The following PHACTR1 variants were observed in gnomAD, a reference collection of about 807,000 sequenced individuals.
PHACTR1 encodes phosphatase and actin regulator 1, also known as RPEL repeat containing 1.
PHACTR1 carries 16 observed loss-of-function variants against 69.2 expected under a neutral mutation model. The ratio of observed to expected loss-of-function variants is 0.23; its 90% CI spans 0.16 to 0.35. The LOEUF (loss-of-function observed/expected upper bound fraction) is 0.35. PHACTR1 is among the 10% of genes least tolerant of loss of function. The pLI is 1.00. For missense variants in PHACTR1, 510 were observed against 734.7 expected, an observed-to-expected ratio of 0.69 and a Z score of 3.54; for synonymous variants, 312 against 284.5, an observed-to-expected ratio of 1.10 and a Z score of -0.97.
intron 3 of PHACTR1, among the ~76,000 whole-genome samples, chr6:12,744,369 C>T (rs1207854659): frequency 6.6e-6 from 1 of 151,976 alleles, no homozygotes; most frequent in Non-Finnish European, 1.5e-5. Context: ...CAAATAGTTT[C>T]CAAATTTTGG....
intron 4 of PHACTR1, among the ~76,000 whole-genome samples, chr6:12,778,833 G>C (rs1770431266): frequency 6.6e-6 from 1 of 152,104 alleles, no homozygotes; most frequent in Non-Finnish European, 1.5e-5. Flanking sequence ...TTTCTGTATA[G>C]TATATTACAC....
chr6:12,993,603 G>C (rs763918917), intron 4 of PHACTR1, among the ~76,000 whole-genome samples: 4 of 152,180 alleles, frequency 2.6e-5, no homozygotes, highest in Non-Finnish European at 5.9e-5. Context: ...CCTGCCCATA[G>C]ATAAATCTGG....
chr6:12,854,910 A>C (rs559765448), intron 4 of PHACTR1, among the ~76,000 whole-genome samples: 1 of 152,234 alleles, frequency 6.6e-6, no homozygotes, highest in Non-Finnish European at 1.5e-5. Context: ...AAGGTTGTAG[A>C]GAAAAGGGAA....
At chr6:13,251,482 G>A (rs1774393433) in intron 10 of PHACTR1, among the ~76,000 whole-genome samples, 2 of 152,318 alleles carry the variant, frequency 1.3e-5, no homozygotes, top group South Asian at 4.1e-4. Context: ...TGCTGGGGGC[G>A]CTGTGGTCTC....
At chr6:13,140,424 T>C (rs1822260789) in intron 5 of PHACTR1, among the ~76,000 whole-genome samples, 1 of 152,182 alleles carries the variant, frequency 6.6e-6, no homozygotes, top group Admixed American at 6.6e-5. Flanking sequence ...AAAAGTGGCC[T>C]ATATATACAA....
chr6:13,053,399 T>C lies in PHACTR1; in HGVS notation c.285T>C (p.Ser95=), dbSNP rs757915139. ...EEVERLAAMR[S]DSLVPGTHTP... The stretch of plus-strand genomic sequence containing the variant: ...TGGAGAGGCTGGCGGCGATGCGTTC[T>C]GACTCCCTCGTCCCAGGCACCCACA... The change falls in exon 5 of 15, where the codon TCT becomes TCC. Residue 95 remains serine (S), a synonymous_variant. Transcript: ENST00000332995. The C allele has an allele frequency of 1.7e-5, 27 of 1,613,060 alleles. No individual in the cohort carries two copies. The Middle Eastern group carries it at 8.2e-4, about 49-fold the overall frequency.
chr6:13,160,299 T>C lies in PHACTR1; in HGVS notation c.496+15T>C. ...CTATGATAAAGGTAAGGAGGATTGG[T>C]CTGTCATCCCCGGGTCAAAGAGTCA... On this transcript the variant is annotated intron_variant, in intron 6 of 14. Coordinates refer to ENST00000332995, the MANE Select transcript of PHACTR1 (RefSeq NM_030948.6). 1 of 1,608,178 alleles carries C rather than the reference T, an allele frequency of 6.2e-7. No homozygotes were observed. Among genetic ancestry groups the C allele is most frequent in the Non-Finnish European group, 8.5e-7 (1 of 1,174,784 alleles).
chr6:12,889,373 A>G (rs1783945226), intron 4 of PHACTR1, among the ~76,000 whole-genome samples: 1 of 152,244 alleles, frequency 6.6e-6, no homozygotes. Flanking sequence ...ATGAGCCTCT[A>G]TCTCTGCCTG....
intron 3 of PHACTR1, among the ~76,000 whole-genome samples, chr6:12,734,969 C>A (rs148825966): frequency 6.6e-6 from 1 of 152,136 alleles, no homozygotes; most frequent in African/African-American, 2.4e-5. Flanking sequence ...TCTATTGCTG[C>A]GTATCAAATT....
intron 4 of PHACTR1, among the ~76,000 whole-genome samples, chr6:12,872,233 T>G (rs1782103168): frequency 6.6e-6 from 1 of 152,136 alleles, no homozygotes; most frequent in Admixed American, 6.5e-5. Flanking sequence ...GCAATAACTA[T>G]TAGTGATACA....
intron 6 of PHACTR1, among the ~76,000 whole-genome samples, chr6:13,167,486 C>T (rs112790915): frequency 0.011 from 1,658 of 152,342 alleles, 31 homozygotes; most frequent in African/African-American, 0.034. Flanking sequence ...GACAATTCCA[C>T]ACCCTAAATG....
chr6:12,924,830 C>T (rs1215741457), intron 4 of PHACTR1, among the ~76,000 whole-genome samples: 1 of 151,468 alleles, frequency 6.6e-6, no homozygotes, highest in Non-Finnish European at 1.5e-5. Flanking sequence ...TTGGCAGTTG[C>T]TTACACTCAT....
chr6:12,859,883 C>T (rs1201931152), intron 4 of PHACTR1, among the ~76,000 whole-genome samples: 1 of 152,098 alleles, frequency 6.6e-6, no homozygotes, highest in Non-Finnish European at 1.5e-5. Context: ...TAAAATGGTG[C>T]CAATATTCTG....
intron 4 of PHACTR1, among the ~76,000 whole-genome samples, chr6:12,859,987 T>TTCTTCATCA (rs1554153439): frequency 6.6e-6 from 1 of 150,436 alleles, no homozygotes; most frequent in Admixed American, 6.6e-5. Flanking sequence ...GAAGGACATC[T>TTCTTCATCA]TCATCATCAT....
chr6:13,063,781 A>T, intron 5 of PHACTR1, among the ~76,000 whole-genome samples: 1 of 144,920 alleles, frequency 6.9e-6, no homozygotes, highest in East Asian at 2.0e-4. Context: ...CCCTGTCTGA[A>T]AAAAAAAAAA....
intron 4 of PHACTR1, among the ~76,000 whole-genome samples, chr6:12,773,795 A>G (rs1769697146): frequency 1.3e-5 from 2 of 152,070 alleles, no homozygotes; most frequent in South Asian, 2.1e-4. Flanking sequence ...AATACCTAAT[A>G]TTTTTCCCAT....
chr6:13,091,790 C>T (rs1287472688), intron 5 of PHACTR1, among the ~76,000 whole-genome samples: 2 of 151,976 alleles, frequency 1.3e-5, no homozygotes, highest in Non-Finnish European at 2.9e-5. Flanking sequence ...GCGCAGTTCA[C>T]AATAGGGTTC....
intron 4 of PHACTR1, among the ~76,000 whole-genome samples, chr6:13,008,964 AG>A (rs1433845086): frequency 6.6e-6 from 1 of 152,204 alleles, no homozygotes; most frequent in African/African-American, 2.4e-5. Context: ...TTCAAGTTCA[AG>A]GTGGGCCAAG....
chr6:12,790,417 C>G (rs1772125141), intron 4 of PHACTR1, among the ~76,000 whole-genome samples: 1 of 152,196 alleles, frequency 6.6e-6, no homozygotes, highest in African/African-American at 2.4e-5. Flanking sequence ...TATCATGTAA[C>G]TCACTCCTTT....
Sources: allele counts gnomAD v4.1 joint callset (sites outside exome capture counted in the v4.1 genomes callset), GRCh38; gene constraint gnomAD v4.1.1; transcripts MANE v1.5; gene names NCBI Gene and HGNC (gene_info 2026-07-23, HGNC 2026-07-21).